CCDC102B: variants seen among roughly 807,000 people sequenced by gnomAD.
CCDC102B encodes coiled-coil domain containing 102B.
A neutral mutation model predicts 57.4 loss-of-function variants in CCDC102B; 75 were observed. The observed-to-expected ratio is 1.31, with a 90% CI of 1.08 to 1.58. The LOEUF (loss-of-function observed/expected upper bound fraction) is 1.58. Among genes scored for constraint, CCDC102B ranks in the 40% most tolerant of loss-of-function variants. CCDC102B has a pLI of 0.00. For missense variants in CCDC102B, 636 were observed against 582.6 expected (o/e 1.09, Z -0.94); for synonymous variants, 206 against 201.9 (o/e 1.02, Z -0.17).
At chr18:68,738,901 A>T (rs2145217918) in intron 2 of CCDC102B, among the ~76,000 whole-genome samples, 1 of 151,484 alleles carries the variant, frequency 6.6e-6, no homozygotes, top group South Asian at 2.1e-4. Context: ...TCCCCATGAT[A>T]CGCCCTTATT....
At chr18:69,002,063 T>G (rs2145363113) in intron 6 of CCDC102B, among the ~76,000 whole-genome samples, 1 of 152,188 alleles carries the variant, frequency 6.6e-6, no homozygotes, top group African/African-American at 2.4e-5. Flanking sequence ...CTTTAGCCAT[T>G]TAGACATAAA....
At chr18:68,741,931 A>G (rs1004168563) in intron 2 of CCDC102B, among the ~76,000 whole-genome samples, 7 of 152,178 alleles carry the variant, frequency 4.6e-5, no homozygotes, top group African/African-American at 1.4e-4. Context: ...CAACATGGTT[A>G]TCAACTTTCC....
chr18:68,842,724 T>C (rs905958712), intron 3 of CCDC102B, among the ~76,000 whole-genome samples: 1 of 152,198 alleles, frequency 6.6e-6, no homozygotes, highest in African/African-American at 2.4e-5. Flanking sequence ...GGTCCCGCTG[T>C]GATGTCTCTA....
rs71175201 is a variant in CCDC102B, at chr18:68,853,672, T to TAAAAAAAAAAAAAAAAAAAAAAA, written c.936+7259_936+7281dup. Among the ~76,000 whole-genome samples the TAAAAAAAAAAAAAAAAAAAAAAA allele has an allele frequency of 2.5e-4, 24 of 94,644 alleles. 2 individuals are homozygous for TAAAAAAAAAAAAAAAAAAAAAAA. The highest frequency in any genetic ancestry group is 3.9e-4 in the South Asian group (1 of 2,592). 62.1% of individuals were successfully genotyped at this position (94,644 alleles called of 152,430 possible). ...CGAATTTTTCTTTATCCCCAAATTGTAAAAAAAAAAAAAAAAAAAAAAAAA... is the reference window on the plus strand; with the variant it reads ...CGAATTTTTCTTTATCCCCAAATTGTAAAAAAAAAAAAAAAAAAAAAAAAAAAAAAAAAAAAAAAAAAAAAAAA... On this transcript the variant is annotated intron_variant, in intron 4 of 7. Transcript: ENST00000360242.
At chr18:68,906,494 G>A (rs2040649025) in intron 6 of CCDC102B, among the ~76,000 whole-genome samples, 1 of 152,042 alleles carries the variant, frequency 6.6e-6, no homozygotes, top group African/African-American at 2.4e-5. Context: ...TTGTTATTTT[G>A]TGTTTTTGTT....
intron 2 of CCDC102B, among the ~76,000 whole-genome samples, chr18:68,757,057 G>A (rs1408600549): frequency 6.6e-6 from 1 of 152,054 alleles, no homozygotes; most frequent in Non-Finnish European, 1.5e-5. Context: ...ATCTAAAAAT[G>A]TGCCCCGCCT....
chr18:68,923,161 CACAT>C (rs886092522), intron 6 of CCDC102B, among the ~76,000 whole-genome samples: 3 of 141,562 alleles, frequency 2.1e-5, no homozygotes, highest in Non-Finnish European at 4.8e-5. Flanking sequence ...CAGAAACATA[CACAT>C]ACAGTTTTTT....
intron 7 of CCDC102B, among the ~76,000 whole-genome samples, chr18:69,035,644 T>A (rs2052270820): frequency 6.6e-6 from 1 of 152,144 alleles, no homozygotes; most frequent in Admixed American, 6.6e-5. Flanking sequence ...CCAAGAAGTC[T>A]TAGTAAAATG....
At chr18:68,781,600 T>C (rs978574963) in intron 2 of CCDC102B, among the ~76,000 whole-genome samples, 8 of 152,180 alleles carry the variant, frequency 5.3e-5, no homozygotes, top group Non-Finnish European at 1.2e-4. Context: ...AGTTTAACTC[T>C]TAAACAAAAG....
At chr18:69,024,428 A>G (rs1460466732) in intron 7 of CCDC102B, among the ~76,000 whole-genome samples, 4 of 152,086 alleles carry the variant, frequency 2.6e-5, no homozygotes, top group Non-Finnish European at 5.9e-5. Flanking sequence ...TTTGAAATTT[A>G]AAAAGATACA....
intron 6 of CCDC102B, among the ~76,000 whole-genome samples, chr18:68,957,617 T>A (rs1431836102): frequency 1.3e-5 from 2 of 151,046 alleles, no homozygotes; most frequent in Non-Finnish European, 2.9e-5. Flanking sequence ...TGGTTCCATA[T>A]GAGTTTTAGA....
At chr18:68,999,056 G>T in intron 6 of CCDC102B, among the ~76,000 whole-genome samples, 1 of 143,770 alleles carries the variant, frequency 7.0e-6, no homozygotes, top group Non-Finnish European at 1.5e-5. Flanking sequence ...ATAAAATAAT[G>T]AACATTATTG....
At chr18:68,990,486 G>A (rs2050835288) in intron 6 of CCDC102B, among the ~76,000 whole-genome samples, 1 of 152,176 alleles carries the variant, frequency 6.6e-6, no homozygotes, top group Non-Finnish European at 1.5e-5. Flanking sequence ...AAGCTGGACA[G>A]AATGGAAAGC....
chr18:68,798,300 C>T (rs981127103), intron 1 of CCDC102B, 119 bp downstream of exon 1: 7 of 152,104 alleles, frequency 4.6e-5, no homozygotes, highest in African/African-American at 1.7e-4. Flanking sequence ...AGCAAAACTA[C>T]TGTAGAGCTG....
intron 6 of CCDC102B, among the ~76,000 whole-genome samples, chr18:68,917,911 A>C (rs1184016249): frequency 2.0e-5 from 3 of 152,174 alleles, no homozygotes; most frequent in Admixed American, 2.0e-4. Context: ...ATCATTTTTA[A>C]GAAAAAGGAC....
intron 6 of CCDC102B, among the ~76,000 whole-genome samples, chr18:68,937,704 C>T (rs2049278253): frequency 6.6e-6 from 1 of 151,992 alleles, no homozygotes; most frequent in South Asian, 2.1e-4. Flanking sequence ...CACCCATCAA[C>T]CTGTCACCTA....
intron 7 of CCDC102B, among the ~76,000 whole-genome samples, chr18:69,047,656 A>C (rs1340117518): frequency 2.0e-5 from 3 of 152,102 alleles, no homozygotes; most frequent in Admixed American, 6.6e-5. Flanking sequence ...ATCTGTTCCC[A>C]AAATCTCCTT....
At chr18:69,031,926 A>C (rs993103159) in intron 7 of CCDC102B, among the ~76,000 whole-genome samples, 8 of 152,096 alleles carry the variant, frequency 5.3e-5, no homozygotes, top group African/African-American at 1.7e-4. Context: ...AAGTTTTATA[A>C]TTTTGGTCAC....
chr18:68,960,243 GC>G (rs1339993379), intron 6 of CCDC102B, among the ~76,000 whole-genome samples: 1 of 152,092 alleles, frequency 6.6e-6, no homozygotes, highest in Non-Finnish European at 1.5e-5. Context: ...TCCCTTTAAG[GC>G]CTGGGGTCCC....
Sources: allele counts gnomAD v4.1 joint callset (sites outside exome capture counted in the v4.1 genomes callset), GRCh38; gene constraint gnomAD v4.1.1; transcripts MANE v1.5; gene names NCBI Gene and HGNC (gene_info 2026-07-23, HGNC 2026-07-21).